The following KSR2 variants were observed in gnomAD, a reference collection of about 807,000 sequenced individuals.
The protein encoded by KSR2 is kinase suppressor of ras 2.
A neutral mutation model predicts 107.8 loss-of-function variants in KSR2; 25 were observed. The observed-to-expected ratio is 0.23, with a 90% CI of 0.17 to 0.32. The LOEUF (loss-of-function observed/expected upper bound fraction) is 0.32, where lower values mean the gene tolerates loss of function less well. Among genes scored for constraint, KSR2 ranks in the 10% least tolerant of loss-of-function variants. The pLI, the probability that KSR2 is intolerant of heterozygous loss-of-function variation, is 1.00. For synonymous variants in KSR2, 480 were observed against 507.0 expected, an observed-to-expected ratio of 0.95 and a Z score of 0.71; for missense variants, 887 against 1,268.9, an observed-to-expected ratio of 0.70 and a Z score of 4.57.
intron 5 of KSR2, among the ~76,000 whole-genome samples, chr12:117,631,206 T>C (rs1360396949): frequency 6.6e-6 from 1 of 152,112 alleles, no homozygotes; most frequent in Non-Finnish European, 1.5e-5. Context: ...GAGGTTGAAA[T>C]GGGAGGATCA....
At chr12:117,929,520 G>T (rs1373229353) in intron 1 of KSR2, among the ~76,000 whole-genome samples, 3 of 152,142 alleles carry the variant, frequency 2.0e-5, no homozygotes, top group Non-Finnish European at 4.4e-5. Flanking sequence ...TTTGTAAATT[G>T]CCCAGTCTTG....
At chr12:117,833,518 A>G (rs1892065133) in intron 3 of KSR2, among the ~76,000 whole-genome samples, 1 of 152,096 alleles carries the variant, frequency 6.6e-6, no homozygotes. Flanking sequence ...ACACACGACC[A>G]AGCCCAGCTG....
At chr12:117,715,111 G>A (rs1012272728) in intron 4 of KSR2, among the ~76,000 whole-genome samples, 1 of 152,000 alleles carries the variant, frequency 6.6e-6, no homozygotes, top group Non-Finnish European at 1.5e-5. Context: ...CTAAATTCAT[G>A]CTCGCATTCA....
At chr12:117,850,236 T>G (rs567727497) in intron 3 of KSR2, among the ~76,000 whole-genome samples, 168 of 143,020 alleles carry the variant, frequency 1.2e-3, no homozygotes, top group Middle Eastern at 7.6e-3. Flanking sequence ...GTAGACCTGG[T>G]GGTCACTGAA....
At chr12:117,862,728 CTTTTTTT>C (rs60357744) in intron 1 of KSR2, among the ~76,000 whole-genome samples, 1 of 135,576 alleles carries the variant, frequency 7.4e-6, no homozygotes, top group African/African-American at 2.8e-5. Flanking sequence ...CATTCCCCCC[CTTTTTTT>C]TTTTTTTTTT....
chr12:117,743,993 C>T (rs1464576616), intron 4 of KSR2, among the ~76,000 whole-genome samples: 1 of 152,224 alleles, frequency 6.6e-6, no homozygotes, highest in Non-Finnish European at 1.5e-5. Context: ...ATTCTCACCA[C>T]TCCTAGTGCT....
chr12:117,592,261 C>T (rs1880367793), intron 5 of KSR2, among the ~76,000 whole-genome samples: 1 of 151,698 alleles, frequency 6.6e-6, no homozygotes, highest in Non-Finnish European at 1.5e-5. Flanking sequence ...TTACAGGTAC[C>T]CACAACCACG....
chr12:117,780,551 G>A (rs961821608), intron 3 of KSR2, among the ~76,000 whole-genome samples: 18 of 152,140 alleles, frequency 1.2e-4, no homozygotes, highest in African/African-American at 3.6e-4. Context: ...GTTACCAGGG[G>A]CTGAGATTAC....
chr12:117,472,552 A>G (rs1871526439), intron 17 of KSR2, among the ~76,000 whole-genome samples: 1 of 152,226 alleles, frequency 6.6e-6, no homozygotes, highest in South Asian at 2.1e-4. Flanking sequence ...TTTAAAGAAC[A>G]CAAAGCACTC....
intron 3 of KSR2, among the ~76,000 whole-genome samples, chr12:117,843,929 CTT>C (rs58326707): frequency 2.4e-4 from 30 of 127,504 alleles, no homozygotes; most frequent in Admixed American, 5.0e-4. Flanking sequence ...TTAAGCTTCC[CTT>C]TTTTTTTTTT....
chr12:117,765,732 G>A (rs1244753347), intron 3 of KSR2, among the ~76,000 whole-genome samples: 1 of 152,200 alleles, frequency 6.6e-6, no homozygotes, highest in East Asian at 1.9e-4. Flanking sequence ...GCAGGGCACA[G>A]AGACAAAACA....
intron 5 of KSR2, among the ~76,000 whole-genome samples, chr12:117,649,588 T>C (rs1883799039): frequency 6.6e-6 from 1 of 152,152 alleles, no homozygotes; most frequent in African/African-American, 2.4e-5. Flanking sequence ...AACCTGAGGC[T>C]TGGAGCTGGT....
chr12:117,583,149 G>T (rs1879771099), intron 5 of KSR2, among the ~76,000 whole-genome samples: 1 of 151,806 alleles, frequency 6.6e-6, no homozygotes, highest in African/African-American at 2.4e-5. Flanking sequence ...GGATGGATAG[G>T]CGGGTGGGTG....
chr12:117,565,522 C>T (rs750235185), intron 7 of KSR2, among the ~76,000 whole-genome samples: 4 of 152,174 alleles, frequency 2.6e-5, no homozygotes, highest in African/African-American at 9.7e-5. Context: ...AAGTACTGAA[C>T]ATCTAGCTTT....
intron 5 of KSR2, among the ~76,000 whole-genome samples, chr12:117,631,863 C>G (rs995823939): frequency 3.3e-5 from 5 of 152,152 alleles, no homozygotes; most frequent in African/African-American, 1.2e-4. Context: ...AATTGCAAAG[C>G]ATAGAGTCCC....
Position 117,740,507 on chromosome 12 carries a change from T to C in KSR2, c.986+20504A>G, listed in dbSNP as rs970457403. ...TATAATATATATGTTATATATTACA[T>C]TTATATAATATATAGTACATATATT... On this transcript the variant is annotated intron_variant, in intron 4 of 19. Coordinates refer to ENST00000339824, the MANE Select transcript of KSR2 (RefSeq NM_173598.6). Among the ~76,000 whole-genome samples, 56 of 124,406 alleles carry C rather than the reference T, an allele frequency of 4.5e-4. 5 individuals carry two copies. The highest frequency in any genetic ancestry group is 7.9e-4 in the Non-Finnish European group (46 of 58,232). 81.6% of individuals were successfully genotyped at this position (124,406 alleles called of 152,430 possible).
intron 1 of KSR2, among the ~76,000 whole-genome samples, chr12:117,963,656 C>T (rs973335735): frequency 6.6e-6 from 1 of 152,070 alleles, no homozygotes; most frequent in Non-Finnish European, 1.5e-5. Context: ...ATTCCAAAAC[C>T]TTTGAAGACT....
At chr12:117,894,677 C>T (rs1341368261) in intron 1 of KSR2, among the ~76,000 whole-genome samples, 2 of 150,132 alleles carry the variant, frequency 1.3e-5, no homozygotes, top group African/African-American at 2.5e-5. Context: ...TTTGAAAGTG[C>T]GTAGCACTTC....
chr12:117,707,510 C>T (rs866476157), intron 4 of KSR2, among the ~76,000 whole-genome samples: 2 of 152,188 alleles, frequency 1.3e-5, no homozygotes, highest in Non-Finnish European at 2.9e-5. Context: ...CACTTTCTAG[C>T]TGTGTGACCC....
Sources: allele counts gnomAD v4.1 joint callset (sites outside exome capture counted in the v4.1 genomes callset), GRCh38; gene constraint gnomAD v4.1.1; transcripts MANE v1.5; gene names NCBI Gene and HGNC (gene_info 2026-07-23, HGNC 2026-07-21).